Variants in SETD3 observed in about 807,000 individuals in gnomAD.
SETD3 encodes the protein SET domain containing 3, actin N3(tau)-histidine methyltransferase.
A neutral mutation model predicts 63.0 loss-of-function variants in SETD3; 19 were observed. That is an observed-to-expected ratio of 0.30 (90% CI 0.21 to 0.44). SETD3 has a LOEUF of 0.44. SETD3 is among the 20% of genes least tolerant of loss of function. SETD3 has a pLI of 1.00. For synonymous variants in SETD3, 286 were observed against 264.1 expected (o/e 1.08, Z -0.80); for missense variants, 587 against 728.5 (o/e 0.81, Z 2.24).
intron 1 of SETD3, among the ~76,000 whole-genome samples, chr14:99,469,921 G>A (rs8011670): frequency 0.47 from 70,793 of 152,032 alleles, 17,437 homozygotes; most frequent in Non-Finnish European, 0.56. Context: ...TTCTATTACC[G>A]ATTAGTTCTG....
At chr14:99,443,132 A>G (rs977253035) in intron 6 of SETD3, among the ~76,000 whole-genome samples, 3 of 152,190 alleles carry the variant, frequency 2.0e-5, no homozygotes, top group Non-Finnish European at 4.4e-5. Flanking sequence ...ATAAGGATCT[A>G]AACAAATGTG....
upstream of SETD3, chr14:99,481,301 C>G: frequency 2.5e-6 from 1 of 395,616 alleles, no homozygotes; most frequent in East Asian, 3.6e-5. Flanking sequence ...GCTCGTTCCT[C>G]TTTTGAGAGC....
chr14:99,449,829 T>C lies in SETD3; in HGVS notation c.675+8450A>G, dbSNP rs115915134. ...TAAGTGAAGCTAGGTGAAGTGTATA[T>C]AGGAGTTCTGTGCACAAATTTTGCA... On this transcript the variant is annotated intron_variant, in intron 6 of 12. Coordinates refer to ENST00000331768, the MANE Select transcript of SETD3 (RefSeq NM_032233.3). Among the ~76,000 whole-genome samples, 365 of 152,352 alleles carry C rather than the reference T, an allele frequency of 2.4e-3. 1 individual carries two copies. Among genetic ancestry groups the C allele is most frequent in the African/African-American group, 8.1e-3 (338 of 41,584 alleles).
intron 6 of SETD3, among the ~76,000 whole-genome samples, chr14:99,436,842 A>C (rs758194218): frequency 2.2e-4 from 33 of 152,164 alleles, no homozygotes; most frequent in Non-Finnish European, 4.4e-4. Context: ...GCACCGGTTT[A>C]AGTCCTTCCA....
chr14:99,447,452 G>A (rs966459779), intron 6 of SETD3, among the ~76,000 whole-genome samples: 1 of 152,226 alleles, frequency 6.6e-6, no homozygotes, highest in Admixed American at 6.5e-5. Flanking sequence ...TTCATTTATG[G>A]AAATGATGAA....
In SETD3 at chr14:99,398,425, C is replaced by T. The variant is rs1482974092; in HGVS notation, c.*254G>A. The T allele has an allele frequency of 1.9e-5, 9 of 465,726 alleles. No homozygotes were observed. Among genetic ancestry groups the T allele is most frequent in the Non-Finnish European group, 3.4e-5 (9 of 262,140 alleles). The allele number at this position is 465,726 out of a possible 1,614,324, so 28.8% of individuals were successfully genotyped here. ...CCCACAATAGGTCTGCAAAATCTCC[C>T]ACAGGCACCTCTTCTCCCTTTCTTG... On this transcript the variant is annotated 3_prime_UTR_variant, in exon 13 of 13. Coordinates refer to ENST00000331768, the MANE Select transcript of SETD3 (RefSeq NM_032233.3).
intron 1 of SETD3, among the ~76,000 whole-genome samples, chr14:99,473,361 T>C (rs1231163925): frequency 6.6e-6 from 1 of 152,234 alleles, no homozygotes; most frequent in Non-Finnish European, 1.5e-5. Flanking sequence ...AGTTCACACA[T>C]AATGAACTGA....
At chr14:99,449,116 A>C (rs532399416) in intron 6 of SETD3, among the ~76,000 whole-genome samples, 2 of 152,268 alleles carry the variant, frequency 1.3e-5, no homozygotes, top group South Asian at 4.1e-4. Context: ...GAATAAGTAA[A>C]TAAATGTGGA....
Position 99,437,360 on chromosome 14 carries a change from G to T in SETD3, c.675+20919C>A, listed in dbSNP as rs1375919700. Among the ~76,000 whole-genome samples the T allele has an allele frequency of 2.6e-5, 4 of 152,214 alleles. No homozygotes were observed. In the South Asian group the frequency reaches 8.3e-4, roughly 32 times the overall value. ...GAAAACTCCTACGTCCTCTTCAGGG[G>T]TCAGTGACCAGTGCCACCTCTGTGA... is the stretch of plus-strand genomic sequence containing the variant. On this transcript the variant is annotated intron_variant, in intron 6 of 12. Transcript: ENST00000331768.
At chr14:99,484,642 G>A (rs1449192771), upstream of SETD3, among the ~76,000 whole-genome samples, 3 of 152,204 alleles carry the variant, frequency 2.0e-5, no homozygotes, top group Non-Finnish European at 1.5e-5. Context: ...AGCAGATCTA[G>A]GGGATGAACA....
chr14:99,437,833 C>T (rs991362803), intron 6 of SETD3, among the ~76,000 whole-genome samples: 2 of 152,210 alleles, frequency 1.3e-5, no homozygotes, highest in African/African-American at 4.8e-5. Context: ...AACTGAAATT[C>T]TTCCTTTGTC....
chr14:99,434,847 CAAAAAAAAAAAA>C (rs71110599), intron 6 of SETD3, among the ~76,000 whole-genome samples: 5 of 30,430 alleles, frequency 1.6e-4, no homozygotes, highest in African/African-American at 2.5e-4. Flanking sequence ...AACTCTGCCT[CAAAAAAAAAAAA>C]AAAAAAAAAA....
At chr14:99,463,207 A>C (rs895751237) in intron 3 of SETD3, among the ~76,000 whole-genome samples, 1 of 152,266 alleles carries the variant, frequency 6.6e-6, no homozygotes, top group Non-Finnish European at 1.5e-5. Flanking sequence ...AATACTTTAT[A>C]AAATGTAAAT....
chr14:99,438,755 C>A (rs956971020), intron 6 of SETD3, among the ~76,000 whole-genome samples: 3 of 152,182 alleles, frequency 2.0e-5, no homozygotes, highest in African/African-American at 4.8e-5. Context: ...TGTGCCCCTA[C>A]AGGATAAGAT....
At chr14:99,439,668 TA>T (rs1893683121) in intron 6 of SETD3, among the ~76,000 whole-genome samples, 1 of 147,906 alleles carries the variant, frequency 6.8e-6, no homozygotes, top group Non-Finnish European at 1.5e-5. Context: ...TAAGTATATA[TA>T]ATACATATTT....
intron 8 of SETD3, among the ~76,000 whole-genome samples, chr14:99,408,872 T>A (rs757411273): frequency 6.6e-6 from 1 of 152,064 alleles, no homozygotes; most frequent in Non-Finnish European, 1.5e-5. Context: ...TGAAGCCAGG[T>A]TTCTAGAGGA....
intron 6 of SETD3, among the ~76,000 whole-genome samples, chr14:99,420,003 T>C (rs1892499829): frequency 1.3e-5 from 2 of 152,206 alleles, no homozygotes; most frequent in Admixed American, 6.5e-5. Flanking sequence ...TGGAAGGCAC[T>C]GTACATCACT....
In SETD3 at chr14:99,414,013, T is replaced by C. The variant is rs1490250656; in HGVS notation, c.676-79A>G. 6 of 1,319,120 alleles carry C rather than the reference T, an allele frequency of 4.5e-6. No homozygotes were observed. The African/African-American group carries it at 8.7e-5, about 19-fold the overall frequency. 81.7% of individuals were successfully genotyped at this position (1,319,120 alleles called of 1,614,324 possible). On this transcript the variant is annotated intron_variant, in intron 6 of 12. Transcript: ENST00000331768. The stretch of plus-strand genomic sequence containing the variant: ...GAAATCAGTCAGCAGAATTTCATTA[T>C]TTAGCTGCCTAACAGATCCTAACAA...
chr14:99,399,931 G>A (rs989163256), intron 12 of SETD3, among the ~76,000 whole-genome samples, 168 bp downstream of exon 12: 3 of 151,882 alleles, frequency 2.0e-5, no homozygotes, highest in Admixed American at 6.6e-5. Flanking sequence ...TAGTAGAGAC[G>A]GGGTTTCACC....
Sources: gnomAD v4.1 joint callset for allele counts (sites outside exome capture counted in the v4.1 genomes callset) on GRCh38, gnomAD v4.1.1 for gene constraint, MANE v1.5 for transcripts, NCBI Gene and HGNC (gene_info 2026-07-23, HGNC 2026-07-21) for gene names.